SMAP1: variants seen among roughly 807,000 people sequenced by gnomAD.
SMAP1 encodes stromal membrane-associated protein 1.
A neutral mutation model predicts 58.5 loss-of-function variants in SMAP1; 24 were observed. That is an observed-to-expected ratio of 0.41 (90% confidence interval 0.30 to 0.58). The LOEUF (loss-of-function observed/expected upper bound fraction) is 0.58, where lower values mean the gene tolerates loss of function less well. Among genes scored for constraint, SMAP1 ranks in the 20% least tolerant of loss-of-function variants. SMAP1 has a pLI of 0.29. For missense variants in SMAP1, 563 were observed against 566.3 expected, an observed-to-expected ratio of 0.99 and a Z score of 0.06; for synonymous variants, 216 against 196.6, an observed-to-expected ratio of 1.10 and a Z score of -0.82.
At chr6:70,777,170 C>T (rs1767580118) in intron 4 of SMAP1, among the ~76,000 whole-genome samples, 1 of 152,100 alleles carries the variant, frequency 6.6e-6, no homozygotes, top group African/African-American at 2.4e-5. Context: ...TGATAATAAA[C>T]CATTCTAACT....
At chr6:70,836,856 A>G in intron 6 of SMAP1, 85 bp from the exon 7 acceptor site, 2 of 1,103,252 alleles carry the variant, frequency 1.8e-6, no homozygotes, top group Non-Finnish European at 2.5e-6. Flanking sequence ...CACTAACTTT[A>G]TCAGAACCCT....
chr6:70,797,678 T>C (rs1412247699), intron 5 of SMAP1, among the ~76,000 whole-genome samples: 1 of 152,164 alleles, frequency 6.6e-6, no homozygotes, highest in African/African-American at 2.4e-5. Flanking sequence ...GCAGATTTAC[T>C]TTGACAGAGG....
chr6:70,757,377 A>T (rs1766538874), intron 3 of SMAP1, among the ~76,000 whole-genome samples: 1 of 151,782 alleles, frequency 6.6e-6, no homozygotes, highest in African/African-American at 2.4e-5. Flanking sequence ...TTCAAGATGG[A>T]TTAAAGACTT....
At position 70,860,350 on chromosome 6, in the gene SMAP1, T is replaced by G; in HGVS notation, c.*16T>G. The stretch of plus-strand genomic sequence containing the variant: ...GTGGAAATGAAAACTGCAATACAAG[T>G]TTCATCCAGAACTACCACCTGACAT... On this transcript the variant is annotated 3_prime_UTR_variant, in exon 11 of 11. Transcript: ENST00000370455. The G allele has an allele frequency of 1.3e-6, 2 of 1,599,276 alleles. No individual in the cohort carries two copies. The highest frequency in any genetic ancestry group is 1.7e-6 in the Non-Finnish European group (2 of 1,173,498).
chr6:70,681,789 A>C (rs1324087191), intron 1 of SMAP1, among the ~76,000 whole-genome samples: 1 of 152,196 alleles, frequency 6.6e-6, no homozygotes, highest in African/African-American at 2.4e-5. Context: ...TTATTCATAC[A>C]CAGCTCTAAA....
chr6:70,668,234 C>A lies in SMAP1; in HGVS notation c.118+93C>A, dbSNP rs972181465. 16 of 1,192,250 alleles carry A rather than the reference C, an allele frequency of 1.3e-5. No homozygotes were observed. In the African/African-American group the frequency reaches 2.2e-4, roughly 17 times the overall value. 73.9% of individuals were successfully genotyped at this position (1,192,250 alleles called of 1,614,324 possible). Reference sequence around the variant, plus strand: ...GCGCTCGGGGCCCGAGCGGACGCCTCGGCTTCGCTGGCCGGCTCCTGCCCT... The same window carrying A: ...GCGCTCGGGGCCCGAGCGGACGCCTAGGCTTCGCTGGCCGGCTCCTGCCCT... On this transcript the variant is annotated intron_variant, in intron 1 of 10. Coordinates refer to ENST00000370455, the MANE Select transcript of SMAP1 (RefSeq NM_001044305.3).
chr6:70,736,534 G>C (rs1261088143), intron 2 of SMAP1, among the ~76,000 whole-genome samples: 1 of 152,178 alleles, frequency 6.6e-6, no homozygotes, highest in Non-Finnish European at 1.5e-5. Flanking sequence ...AATTGTTTCA[G>C]TATGGAAATT....
At chr6:70,723,513 C>A (rs760945302) in intron 1 of SMAP1, among the ~76,000 whole-genome samples, 1 of 152,150 alleles carries the variant, frequency 6.6e-6, no homozygotes, top group Non-Finnish European at 1.5e-5. Context: ...ATAGAACTTC[C>A]CTGACCAAAT....
At chr6:70,752,809 T>G (rs1766331818) in intron 2 of SMAP1, among the ~76,000 whole-genome samples, 1 of 152,124 alleles carries the variant, frequency 6.6e-6, no homozygotes, top group Non-Finnish European at 1.5e-5. Context: ...TTTTTTATAG[T>G]CACAAAATGA....
At chr6:70,856,812 C>T (rs368919222) in intron 8 of SMAP1, 47 bp from the exon 9 acceptor site, 33 of 1,521,326 alleles carry the variant, frequency 2.2e-5, no homozygotes, top group African/African-American at 1.4e-4. Flanking sequence ...GGATAAGCTG[C>T]GCTTTACTAT....
At chr6:70,860,137 TAAAG>T in intron 10 of SMAP1, 59 bp from the exon 11 acceptor site, 3 of 1,505,516 alleles carry the variant, frequency 2.0e-6, no homozygotes, top group Non-Finnish European at 2.7e-6. Context: ...ACTGTGTGGC[TAAAG>T]AAACAAGAAT....
intron 1 of SMAP1, among the ~76,000 whole-genome samples, chr6:70,690,919 C>G (rs1292182906): frequency 6.6e-6 from 1 of 151,292 alleles, no homozygotes; most frequent in Non-Finnish European, 1.5e-5. Flanking sequence ...ATAGAACTGA[C>G]ACTATTCCTT....
intron 2 of SMAP1, among the ~76,000 whole-genome samples, chr6:70,738,431 CACTT>C (rs1382385421): frequency 1.4e-5 from 2 of 144,792 alleles, no homozygotes; most frequent in East Asian, 4.0e-4. Context: ...TTTTTGAACA[CACTT>C]GCTGTTTATA....
At position 70,791,674 on chromosome 6, in the gene SMAP1, A is replaced by C. The variant is rs2149943433; in HGVS notation, c.415-15A>C. On this transcript the variant is annotated splice_polypyrimidine_tract_variant and intron_variant, in intron 4 of 10. Coordinates refer to ENST00000370455, the MANE Select transcript of SMAP1 (RefSeq NM_001044305.3). Reference sequence around the variant, plus strand: ...TTTGTTTTTTTCCTCCTGACTTTTCACCTGTACTCCACAGATTTCCTCCTC... The same window carrying C: ...TTTGTTTTTTTCCTCCTGACTTTTCCCCTGTACTCCACAGATTTCCTCCTC... The C allele has an allele frequency of 6.2e-7, 1 of 1,605,632 alleles. No individual in the cohort carries two copies. The highest frequency in any genetic ancestry group is 2.2e-5 in the East Asian group (1 of 44,530).
At chr6:70,678,705 G>T (rs1766580388) in intron 1 of SMAP1, among the ~76,000 whole-genome samples, 1 of 152,182 alleles carries the variant, frequency 6.6e-6, no homozygotes, top group African/African-American at 2.4e-5. Flanking sequence ...TTCTAGGGGA[G>T]AATCTGTTTT....
intron 3 of SMAP1, among the ~76,000 whole-genome samples, chr6:70,768,385 T>C (rs1191216984): frequency 2.0e-5 from 3 of 152,224 alleles, no homozygotes; most frequent in Non-Finnish European, 2.9e-5. Context: ...GGTCCTGGAC[T>C]CTTTTTGGTT....
intron 4 of SMAP1, among the ~76,000 whole-genome samples, chr6:70,780,504 C>A (rs1046962202): frequency 1.3e-5 from 2 of 152,154 alleles, no homozygotes; most frequent in Admixed American, 6.5e-5. Context: ...TTGCTTGAGC[C>A]CAGGAGGTTG....
chr6:70,699,041 G>C (rs1767522219), intron 1 of SMAP1, among the ~76,000 whole-genome samples: 1 of 152,180 alleles, frequency 6.6e-6, no homozygotes, highest in African/African-American at 2.4e-5. Context: ...TCTTGGGAAG[G>C]CTGTCCAAGT....
chr6:70,761,695 A>G (rs1408122893), intron 3 of SMAP1, among the ~76,000 whole-genome samples: 3 of 152,102 alleles, frequency 2.0e-5, no homozygotes, highest in African/African-American at 7.2e-5. Flanking sequence ...GCTAAAACTT[A>G]AATAACACTA....
Sources: allele counts gnomAD v4.1 joint callset (sites outside exome capture counted in the v4.1 genomes callset), GRCh38; gene constraint gnomAD v4.1.1; transcripts MANE v1.5; gene names NCBI Gene and HGNC (gene_info 2026-07-23, HGNC 2026-07-21).